The following NHSL2 variants were observed in gnomAD, a reference collection of about 807,000 sequenced individuals.
The protein encoded by NHSL2 is NHS-like protein 2.
Under a neutral mutation model 53.4 loss-of-function variants are expected in NHSL2, and 27 were observed. That is an observed-to-expected ratio of 0.51 (90% CI 0.37 to 0.70). The LOEUF (loss-of-function observed/expected upper bound fraction) is 0.70, where lower values mean the gene tolerates loss of function less well. NHSL2 is among the 30% of genes least tolerant of loss of function. The pLI is 0.00. For synonymous variants in NHSL2, 408 were observed against 404.1 expected, an observed-to-expected ratio of 1.01 and a Z score of -0.12; for missense variants, 892 against 980.1, an observed-to-expected ratio of 0.91 and a Z score of 1.20.
intron 1 of NHSL2, among the ~76,000 whole-genome samples, chrX:71,935,476 G>A (rs1467301011): frequency 8.8e-6 from 1 of 113,086 alleles, no homozygotes; most frequent in Admixed American, 9.3e-5. Flanking sequence ...AACTAAATGT[G>A]TAGCCTGTTG....
rs1217434727 is a variant in NHSL2 at position 72,151,184 on chromosome X, T to C, written c.*7610T>C. 1.0e-5 allele frequency: 1 copy of C among 95,261 alleles called. No homozygotes were observed. The highest frequency in any genetic ancestry group is 4.4e-5 in the African/African-American group (1 of 22,568). 7.9% of individuals were successfully genotyped at this position (95,261 alleles called of 1,213,427 possible). The stretch of plus-strand genomic sequence containing the variant: ...TGCGTGCCACCATGCCCAGCTAATA[T>C]TTTTTTTTTTTTTGTATTTTTAGTA... On this transcript the variant is annotated 3_prime_UTR_variant, in exon 8 of 8. Transcript: ENST00000633930.
intron 1 of NHSL2, chrX:72,128,447 G>T (rs1352533776): frequency 8.9e-6 from 1 of 112,831 alleles, no homozygotes; most frequent in Non-Finnish European, 1.9e-5. Context: ...GGCATTTTAT[G>T]GCCAAAACTG....
intron 1 of NHSL2, among the ~76,000 whole-genome samples, chrX:71,964,705 C>T (rs1200699977): frequency 8.9e-6 from 1 of 112,051 alleles, no homozygotes; most frequent in Non-Finnish European, 1.9e-5. Flanking sequence ...AACTAGCCAG[C>T]TTACAGTTAA....
Position 72,139,348 on chromosome X carries a change from C to T in NHSL2, c.1800C>T (p.Ser600=), listed in dbSNP as rs754442231. The T allele has an allele frequency of 2.6e-5, 31 of 1,209,909 alleles. No individual in the cohort carries two copies. Among genetic ancestry groups the T allele is most frequent in the Non-Finnish European group, 3.5e-5 (31 of 894,049 alleles). Residue 600 remains serine (S), a synonymous_variant, in exon 6 of 8, where the codon AGC becomes AGT. Coordinates refer to ENST00000633930, the MANE Select transcript of NHSL2 (RefSeq NM_001013627.3). ...SALPKDQRPK[S]LCLSLEHQGH... Reference sequence around the variant, plus strand: ...TACCCAAGGACCAGAGGCCCAAGAGCCTTTGCCTCTCCTTGGAACATCAAG... The same window carrying T: ...TACCCAAGGACCAGAGGCCCAAGAGTCTTTGCCTCTCCTTGGAACATCAAG...
rs369339144 is a variant in NHSL2, at chrX:72,139,540, T to C, written c.1992T>C (p.Ile664=). Residue 664 remains isoleucine, a synonymous_variant, in exon 6 of 8, where the codon ATT becomes ATC. Coordinates refer to ENST00000633930, the MANE Select transcript of NHSL2 (RefSeq NM_001013627.3). ...GCACTGCCACTGGCACCACAGTCAT[T>C]GAGTGCACCCAAGTTCAGGGCAGCT... ...SSSTATGTTV[I]ECTQVQGSSE... is the part of the protein sequence containing the mutation. The C allele has an allele frequency of 2.1e-5, 25 of 1,211,071 alleles. No individual in the cohort carries two copies. The highest frequency in any genetic ancestry group is 2.7e-5 in the Non-Finnish European group (24 of 895,028).
chrX:71,985,013 TG>T (rs764167089), intron 1 of NHSL2, among the ~76,000 whole-genome samples: 19 of 110,580 alleles, frequency 1.7e-4, no homozygotes, highest in African/African-American at 4.6e-4. Context: ...TTAGTAGAGA[TG>T]GGGTTTCACT....
At chrX:71,999,488 A>C (rs1273457843) in intron 1 of NHSL2, among the ~76,000 whole-genome samples, 1 of 112,289 alleles carries the variant, frequency 8.9e-6, no homozygotes, top group African/African-American at 3.2e-5. Context: ...TAAAAATTAA[A>C]TTATATGAGA....
rs1602254395 is a variant in NHSL2, at chrX:71,911,075, G to A, written c.-13G>A. 1 of 994,611 alleles carries A rather than the reference G, an allele frequency of 1.0e-6. No homozygotes were observed. The highest frequency in any genetic ancestry group is 1.3e-6 in the Non-Finnish European group (1 of 790,107). 82.0% of individuals were successfully genotyped at this position (994,611 alleles called of 1,213,427 possible). A position where few individuals can be genotyped will look rare whatever the true frequency, so the allele number is the denominator to read the frequency against. ...CGCCAGACTGGTCCCCTGCGCCCGC[G>A]CCCGCGGCCGGGATGCCGTTCTACA... On this transcript the variant is annotated 5_prime_UTR_variant, in exon 1 of 8. Coordinates refer to ENST00000633930, the MANE Select transcript of NHSL2 (RefSeq NM_001013627.3).
intron 1 of NHSL2, chrX:72,069,826 C>T: frequency 1.8e-6 from 1 of 565,034 alleles, no homozygotes; most frequent in Non-Finnish European, 2.4e-6. Flanking sequence ...ATGCGGGGCC[C>T]CTGACCCTTG....
chrX:72,053,634 C>A (rs1422323233), intron 1 of NHSL2, among the ~76,000 whole-genome samples: 1 of 111,243 alleles, frequency 9.0e-6, no homozygotes, highest in African/African-American at 3.3e-5. Flanking sequence ...ATGCACATGT[C>A]TTTGCCTTCA....
intron 1 of NHSL2, among the ~76,000 whole-genome samples, chrX:71,942,972 C>CTCTG (rs1220648470): frequency 3.4e-4 from 25 of 74,035 alleles, no homozygotes; most frequent in African/African-American, 1.1e-3. Flanking sequence ...CTCTCTCTCT[C>CTCTG]TGTGTGTGTG....
At chrX:72,003,356 C>T (rs1285275148) in intron 1 of NHSL2, among the ~76,000 whole-genome samples, 1 of 111,621 alleles carries the variant, frequency 9.0e-6, no homozygotes, top group Non-Finnish European at 1.9e-5. Flanking sequence ...CCAGCCACCA[C>T]CAGTTCAAGC....
intron 2 of NHSL2, among the ~76,000 whole-genome samples, chrX:72,133,435 T>A (rs1468125099): frequency 8.9e-6 from 1 of 112,126 alleles, no homozygotes; most frequent in African/African-American, 3.2e-5. Context: ...CTTCATGTAT[T>A]CTCATCAAAT....
chrX:72,046,257 T>A (rs1349940361), intron 1 of NHSL2, among the ~76,000 whole-genome samples: 1 of 111,987 alleles, frequency 8.9e-6, no homozygotes, highest in African/African-American at 3.3e-5. Context: ...AGGCAACCTG[T>A]CTTCCCAGAA....
chrX:72,012,046 A>C (rs1252318745), intron 1 of NHSL2, among the ~76,000 whole-genome samples: 1 of 111,736 alleles, frequency 8.9e-6, no homozygotes, highest in Admixed American at 9.5e-5. Context: ...TGGTTTGCAA[A>C]CATTTTCTCT....
chrX:72,061,263 T>C (rs138562267), intron 1 of NHSL2, among the ~76,000 whole-genome samples: 1 of 112,053 alleles, frequency 8.9e-6, no homozygotes, highest in East Asian at 2.8e-4. Flanking sequence ...TCCTGGTGAA[T>C]TACTCCCTGG....
intron 1 of NHSL2, among the ~76,000 whole-genome samples, chrX:72,070,227 C>T (rs1220917952): frequency 9.5e-6 from 1 of 104,861 alleles, no homozygotes; most frequent in Non-Finnish European, 2.0e-5. Flanking sequence ...ACCTCATATG[C>T]TGCATGCATG....
chrX:71,933,859 T>G (rs1222454483), intron 1 of NHSL2, among the ~76,000 whole-genome samples: 1 of 111,550 alleles, frequency 9.0e-6, no homozygotes, highest in East Asian at 2.8e-4. Flanking sequence ...AAATCCCAAC[T>G]GAGGCAGGAA....
rs1420128037 is a variant in NHSL2, at chrX:71,911,166, G to T, written c.79G>T (p.Asp27Tyr). 1.8e-6 allele frequency: 2 copies of T among 1,131,795 alleles called. No homozygotes were observed. Among genetic ancestry groups the T allele is most frequent in the Non-Finnish European group, 2.3e-6 (2 of 860,104 alleles). 93.3% of individuals were successfully genotyped at this position (1,131,795 alleles called of 1,213,427 possible). A position where few individuals can be genotyped will look rare whatever the true frequency, so the allele number is the denominator to read the frequency against. The change falls in exon 1 of 8, where the codon GAC (aspartate) becomes TAC (tyrosine). Residue 27 changes from aspartate (D) to tyrosine (Y), a missense_variant. Coordinates refer to ENST00000633930, the MANE Select transcript of NHSL2 (RefSeq NM_001013627.3). ...NPPQQLAELR[D>Y]VSHLAALSLL... The stretch of plus-strand genomic sequence containing the variant: ...GCCGCAGCAGCTGGCGGAGCTCCGC[G>T]ACGTGAGCCACCTGGCAGCGCTCAG...
Sources: gnomAD v4.1 joint callset for allele counts (sites outside exome capture counted in the v4.1 genomes callset) on GRCh38, gnomAD v4.1.1 for gene constraint, MANE v1.5 for transcripts, NCBI Gene and HGNC (gene_info 2026-07-23, HGNC 2026-07-21) for gene names.